The following ABCD3 variants were observed in gnomAD, a reference collection of about 807,000 sequenced individuals.
The protein encoded by ABCD3 is ATP-binding cassette sub-family D member 3.
Under a neutral mutation model 105.5 loss-of-function variants are expected in ABCD3, and 41 were observed. That is an observed-to-expected ratio of 0.39 (90% CI 0.30 to 0.50). The LOEUF is 0.50. Ranked by LOEUF, ABCD3 falls within the 20% of genes least tolerant of loss-of-function variation. The pLI, the probability that ABCD3 is intolerant of heterozygous loss-of-function variation, is 0.84. For synonymous variants in ABCD3, 258 were observed against 269.0 expected (o/e 0.96, Z 0.40); for missense variants, 622 against 806.3 (o/e 0.77, Z 2.77).
chr1:94,408,234 C>A, the ABCD3 span, among the ~76,000 whole-genome samples: 1 of 152,118 alleles, frequency 6.6e-6, no homozygotes, highest in Non-Finnish European at 1.5e-5. Context: ...GTTGACTGAG[C>A]CAAGTCTTGA....
the ABCD3 span, among the ~76,000 whole-genome samples, chr1:94,392,032 T>C: frequency 6.6e-6 from 1 of 151,578 alleles, no homozygotes; most frequent in Non-Finnish European, 1.5e-5. Flanking sequence ...AAAGTTGGGG[T>C]TTTTTCTTTA....
chr1:94,420,986 G>T (rs1183931083), intron 1 of ABCD3, among the ~76,000 whole-genome samples: 1 of 152,082 alleles, frequency 6.6e-6, no homozygotes, highest in Non-Finnish European at 1.5e-5. Context: ...CAAACATTGG[G>T]AGAATGAGTA....
At chr1:94,483,311 C>G (rs989149972) in intron 10 of ABCD3, 72 bp downstream of exon 10, 1 of 1,116,834 alleles carries the variant, frequency 9.0e-7, no homozygotes, top group Non-Finnish European at 1.4e-6. Context: ...TGCCTATGGC[C>G]GACACACATA....
intron 10 of ABCD3, 142 bp downstream of exon 10, chr1:94,483,381 T>C (rs535809143): frequency 1.5e-6 from 1 of 666,568 alleles, no homozygotes; most frequent in East Asian, 2.8e-5. Context: ...GAAAAATAGC[T>C]ATAAAGGATT....
At chr1:94,414,200 T>C (rs149831369), upstream of ABCD3, among the ~76,000 whole-genome samples, 262 of 152,258 alleles carry the variant, frequency 1.7e-3, 1 homozygote, top group African/African-American at 6.0e-3. Context: ...ATCTTGGTGA[T>C]GAGAAACTAG....
At chr1:94,440,991 TAAATCCATTA>T (rs369486042) in intron 1 of ABCD3, among the ~76,000 whole-genome samples, 37 of 152,322 alleles carry the variant, frequency 2.4e-4, no homozygotes, top group African/African-American at 8.9e-4. Context: ...TATGTAAGGA[TAAATCCATTA>T]AAGTATACAA....
chr1:94,460,119 G>A (rs1647796461), intron 2 of ABCD3, among the ~76,000 whole-genome samples: 1 of 152,072 alleles, frequency 6.6e-6, no homozygotes, highest in Non-Finnish European at 1.5e-5. Flanking sequence ...TTTCTCTTGG[G>A]TGTGTATCTA....
At chr1:94,507,961 A>C (rs966649871) in intron 21 of ABCD3, among the ~76,000 whole-genome samples, 72 of 148,222 alleles carry the variant, frequency 4.9e-4, no homozygotes, top group Admixed American at 4.6e-3. Context: ...CTCTGATGGT[A>C]GTTTCTTTTG....
chr1:94,476,304 A>G (rs1648735946), intron 7 of ABCD3, among the ~76,000 whole-genome samples: 1 of 152,042 alleles, frequency 6.6e-6, no homozygotes, highest in Middle Eastern at 3.2e-3. Flanking sequence ...TGATTTCTCC[A>G]GTTCTTATCT....
At position 94,472,641 on chromosome 1, in the gene ABCD3, G is replaced by A. The variant is rs1176666932; in HGVS notation, c.336-1125G>A. On this transcript the variant is annotated intron_variant, in intron 4 of 22. Transcript: ENST00000370214. The stretch of plus-strand genomic sequence containing the variant: ...AAAATGCACATACTATACATTAAAA[G>A]CTTTGAGAAGGTCTTTGGTAAAGAC... Among the ~76,000 whole-genome samples, 42 of 152,066 alleles carry A rather than the reference G, an allele frequency of 2.8e-4. 1 individual carries two copies. The highest frequency in any genetic ancestry group is 2.8e-3 in the Admixed American group (42 of 15,254).
At chr1:94,491,731 G>A (rs1327344955) in intron 16 of ABCD3, among the ~76,000 whole-genome samples, 1 of 152,076 alleles carries the variant, frequency 6.6e-6, no homozygotes, top group Non-Finnish European at 1.5e-5. Context: ...CCCATGCCAA[G>A]TGAAAACTGA....
intron 1 of ABCD3, among the ~76,000 whole-genome samples, chr1:94,424,614 G>A (rs375803548): frequency 3.6e-4 from 55 of 151,998 alleles, no homozygotes; most frequent in African/African-American, 1.2e-3. Context: ...ACAAGGTCAC[G>A]TTATGTTGCC....
intron 1 of ABCD3, among the ~76,000 whole-genome samples, chr1:94,440,649 A>G (rs724829): frequency 0.26 from 39,297 of 152,140 alleles, 5,705 homozygotes; most frequent in Admixed American, 0.34. Context: ...CCCGAGGTGG[A>G]TAAGATACCC....
In ABCD3 at chr1:94,494,054, C is replaced by T. The variant is rs540881146; in HGVS notation, c.1386+2807C>T. On this transcript the variant is annotated intron_variant, in intron 16 of 22. Transcript: ENST00000370214. ...TCACATGTATACATATGTAACTAAC[C>T]TGCACATTGTGCACATGTACCCTAA... 3.4e-3 allele frequency among the ~76,000 whole-genome samples: 516 copies of T among 151,988 alleles called. 2 individuals carry two copies. The highest frequency in any genetic ancestry group is 5.9e-3 in the Non-Finnish European group (404 of 67,972).
At chr1:94,441,795 T>C (rs1660143853) in intron 1 of ABCD3, among the ~76,000 whole-genome samples, 2 of 152,190 alleles carry the variant, frequency 1.3e-5, no homozygotes, top group Non-Finnish European at 2.9e-5. Flanking sequence ...TATTTGCTCA[T>C]TTTGTACAAA....
chr1:94,509,016 C>T (rs1236966263), intron 21 of ABCD3, among the ~76,000 whole-genome samples: 1 of 152,130 alleles, frequency 6.6e-6, no homozygotes, highest in Non-Finnish European at 1.5e-5. Flanking sequence ...GAACTTCCAA[C>T]ACTATGTTGA....
chr1:94,501,762 A>G (rs896919254), intron 20 of ABCD3, among the ~76,000 whole-genome samples: 4 of 152,202 alleles, frequency 2.6e-5, no homozygotes, highest in African/African-American at 7.2e-5. Context: ...ATGAAAAAGT[A>G]TATATGATGG....
In ABCD3 at chr1:94,418,948, C is replaced by A. The variant is rs555176090; in HGVS notation, c.110+360C>A. ...CATCACCCCCTTCTGTGTCAACTTT[C>A]TGGGTGTGTTCTGGTTTTGCCATCT... On this transcript the variant is annotated intron_variant, in intron 1 of 22. Coordinates refer to ENST00000370214, the MANE Select transcript of ABCD3 (RefSeq NM_002858.4). The A allele has an allele frequency of 9.0e-6, 3 of 332,008 alleles. No homozygotes were observed. In the South Asian group the frequency reaches 9.8e-5, roughly 11 times the overall value. The allele number at this position is 332,008 out of a possible 1,614,324, so 20.6% of individuals were successfully genotyped here.
intron 20 of ABCD3, among the ~76,000 whole-genome samples, chr1:94,503,906 CTTTTTTTTTTTT>C (rs71097203): frequency 1.4e-5 from 1 of 69,804 alleles, no homozygotes; most frequent in Non-Finnish European, 2.6e-5. Context: ...ACAAGTGATT[CTTTTTTTTTTTT>C]TTTTTTTTTT....
Sources: allele counts gnomAD v4.1 joint callset (sites outside exome capture counted in the v4.1 genomes callset), GRCh38; gene constraint gnomAD v4.1.1; transcripts MANE v1.5; gene names NCBI Gene and HGNC (gene_info 2026-07-23, HGNC 2026-07-21).